Variants in TAF4B observed in about 807,000 individuals in gnomAD.
TAF4B encodes the protein TATA-box binding protein associated factor 4b.
TAF4B carries 38 observed loss-of-function variants against 86.4 expected under a neutral mutation model. The observed-to-expected ratio is 0.44, with a 90% CI of 0.34 to 0.58. TAF4B has a LOEUF of 0.58. TAF4B is among the 20% of genes least tolerant of loss of function. TAF4B has a pLI of 0.02. For missense variants in TAF4B, 988 were observed against 1,027.6 expected, an observed-to-expected ratio of 0.96 and a Z score of 0.53; for synonymous variants, 388 against 391.2, an observed-to-expected ratio of 0.99 and a Z score of 0.10.
intron 3 of TAF4B, among the ~76,000 whole-genome samples, chr18:26,271,533 T>C (rs1687853685): frequency 6.6e-6 from 1 of 152,214 alleles, no homozygotes; most frequent in African/African-American, 2.4e-5. Flanking sequence ...TTTCCTCCTG[T>C]CCTCAAGACA....
chr18:26,257,753 G>A (rs1231946584), intron 1 of TAF4B, among the ~76,000 whole-genome samples: 1 of 151,610 alleles, frequency 6.6e-6, no homozygotes, highest in Non-Finnish European at 1.5e-5. Flanking sequence ...AACCTCATTG[G>A]AATCTCCTTC....
chr18:26,294,248 G>A (rs1229168674), intron 9 of TAF4B, among the ~76,000 whole-genome samples: 1 of 152,024 alleles, frequency 6.6e-6, no homozygotes, highest in Non-Finnish European at 1.5e-5. Context: ...GATGATGAGC[G>A]TTCTAGTTCC....
At chr18:26,335,785 G>A (rs2057085706) in intron 13 of TAF4B, among the ~76,000 whole-genome samples, 1 of 152,142 alleles carries the variant, frequency 6.6e-6, no homozygotes, top group African/African-American at 2.4e-5. Context: ...ACTCCCAGAG[G>A]CCTCTGCATA....
At chr18:26,281,574 A>G (rs913953500) in intron 5 of TAF4B, among the ~76,000 whole-genome samples, 3 of 152,178 alleles carry the variant, frequency 2.0e-5, no homozygotes, top group African/African-American at 7.2e-5. Flanking sequence ...TAGCAGATTA[A>G]TTTCCAAATC....
rs546752202 is a variant in TAF4B, at chr18:26,226,974, C to T, written c.41C>T (p.Pro14Leu). Reference sequence around the variant, plus strand: ...ACCGAACCCGCCGGCGCCGCTCCCCCGGCTGCTGTGAGCGCCTCGGGGACC... The same window carrying T: ...ACCGAACCCGCCGGCGCCGCTCCCCTGGCTGCTGTGAGCGCCTCGGGGACC... Reference protein sequence around the residue: ...GLTEPAGAAPPAAVSASGTVT... With the variant: ...GLTEPAGAAPLAAVSASGTVT... Residue 14 changes from proline to leucine, a missense_variant, in exon 1 of 15, where the codon CCG becomes CTG. Around this residue, in one of 3 missense-constraint regions of TAF4B, gnomAD observed 747 missense variants for 737.9 expected, o/e 1.01. Transcript: ENST00000269142. 10 of 1,391,114 alleles carry T rather than the reference C, an allele frequency of 7.2e-6. No homozygotes were observed. The African/African-American group carries it at 1.1e-4, about 15-fold the overall frequency. The allele number at this position is 1,391,114 out of a possible 1,614,324, so 86.2% of individuals were successfully genotyped here.
intron 9 of TAF4B, chr18:26,304,669 G>A (rs2056776192): frequency 1.0e-6 from 1 of 959,836 alleles, no homozygotes; most frequent in Non-Finnish European, 1.2e-6. Context: ...TTTTCCCATT[G>A]TAATCAAGAA....
At chr18:26,243,200 C>A (rs2055867599) in intron 1 of TAF4B, among the ~76,000 whole-genome samples, 1 of 152,176 alleles carries the variant, frequency 6.6e-6, no homozygotes, top group African/African-American at 2.4e-5. Context: ...GTTCCATTCT[C>A]CCCATCACTT....
chr18:26,307,891 C>T (rs537819869), intron 9 of TAF4B, among the ~76,000 whole-genome samples: 1 of 152,224 alleles, frequency 6.6e-6, no homozygotes, highest in East Asian at 1.9e-4. Context: ...GGGAAGATCA[C>T]CTGAGGTCAG....
chr18:26,387,001 A>T (rs1978412571), intron 14 of TAF4B, among the ~76,000 whole-genome samples: 1 of 152,236 alleles, frequency 6.6e-6, no homozygotes, highest in African/African-American at 2.4e-5. Context: ...AAACATATAG[A>T]TACAGTTTTA....
At chr18:26,380,880 GTCCATCA>G (rs1380385244) in intron 14 of TAF4B, among the ~76,000 whole-genome samples, 1 of 151,822 alleles carries the variant, frequency 6.6e-6, no homozygotes, top group East Asian at 1.9e-4. Context: ...CTGGATTTAA[GTCCATCA>G]TCTTGCTGTT....
At chr18:26,320,156 T>C (rs527888022) in intron 10 of TAF4B, among the ~76,000 whole-genome samples, 58 of 152,332 alleles carry the variant, frequency 3.8e-4, no homozygotes, top group South Asian at 6.2e-4. Flanking sequence ...TCAGGTAAAT[T>C]AGAATATAAA....
intron 9 of TAF4B, among the ~76,000 whole-genome samples, chr18:26,301,306 T>G (rs2056730035): frequency 6.6e-6 from 1 of 151,322 alleles, no homozygotes; most frequent in Admixed American, 6.6e-5. Context: ...TTTTTTTTTT[T>G]GAGACAGTCT....
At chr18:26,344,113 C>A (rs1219185511) in intron 13 of TAF4B, among the ~76,000 whole-genome samples, 1 of 152,146 alleles carries the variant, frequency 6.6e-6, no homozygotes, top group Non-Finnish European at 1.5e-5. Context: ...AATTTAGGAA[C>A]TGAAAACGAC....
intron 1 of TAF4B, among the ~76,000 whole-genome samples, chr18:26,240,740 T>G (rs1013363734): frequency 4.6e-5 from 7 of 152,224 alleles, no homozygotes; most frequent in African/African-American, 1.7e-4. Flanking sequence ...ATAGCTCTTA[T>G]TATTTTGAGA....
At chr18:26,233,500 G>T (rs1238481345) in intron 1 of TAF4B, among the ~76,000 whole-genome samples, 2 of 152,182 alleles carry the variant, frequency 1.3e-5, no homozygotes, top group African/African-American at 4.8e-5. Context: ...CTGTTTGGGT[G>T]ACTCAGAAGT....
At chr18:26,320,052 C>T (rs1004930156) in intron 10 of TAF4B, among the ~76,000 whole-genome samples, 1 of 152,146 alleles carries the variant, frequency 6.6e-6, no homozygotes, top group Non-Finnish European at 1.5e-5. Context: ...TATTTGCTTT[C>T]ATTATATAAT....
chr18:26,266,408 C>T (rs540116301), intron 2 of TAF4B, among the ~76,000 whole-genome samples: 1 of 152,072 alleles, frequency 6.6e-6, no homozygotes, highest in Non-Finnish European at 1.5e-5. Flanking sequence ...CTGTACCCAG[C>T]CTATAGTATT....
chr18:26,255,387 A>G (rs2056066684), intron 1 of TAF4B, among the ~76,000 whole-genome samples: 1 of 151,896 alleles, frequency 6.6e-6, no homozygotes, highest in African/African-American at 2.4e-5. Flanking sequence ...CAAGTTAAAA[A>G]TAGGAGGGTC....
chr18:26,273,657 A>G (rs1281642046), intron 3 of TAF4B, among the ~76,000 whole-genome samples: 1 of 152,118 alleles, frequency 6.6e-6, no homozygotes, highest in African/African-American at 2.4e-5. Context: ...AGCCTTCCAA[A>G]GTGCTGGTAT....
Sources: allele counts gnomAD v4.1 joint callset (sites outside exome capture counted in the v4.1 genomes callset), GRCh38; gene constraint gnomAD v4.1.1; regional missense constraint gnomAD v4.1.1; transcripts MANE v1.5; gene names NCBI Gene and HGNC (gene_info 2026-07-23, HGNC 2026-07-21).